DNM3: variants seen among roughly 807,000 people sequenced by gnomAD.
DNM3 encodes the protein dynamin 3.
Under a neutral mutation model 101.6 loss-of-function variants are expected in DNM3, and 47 were observed. That is an observed-to-expected ratio of 0.46 (90% CI 0.37 to 0.59). DNM3 has a LOEUF of 0.59. Ranked by LOEUF, DNM3 falls within the 20% of genes least tolerant of loss-of-function variation. The pLI, the probability that DNM3 is intolerant of heterozygous loss-of-function variation, is 0.00. For missense variants in DNM3, 849 were observed against 1,085.7 expected (o/e 0.78, Z 3.06); for synonymous variants, 385 against 387.9 (o/e 0.99, Z 0.09).
chr1:172,131,303 G>A lies in DNM3; in HGVS notation c.1659+15G>A, dbSNP rs761864486. 6.2e-7 allele frequency: 1 copy of A among 1,605,332 alleles called. No individual in the cohort carries two copies. The highest frequency in any genetic ancestry group is 8.5e-7 in the Non-Finnish European group (1 of 1,172,918). On this transcript the variant is annotated intron_variant, in intron 14 of 20. Coordinates refer to ENST00000627582, the MANE Select transcript of DNM3 (RefSeq NM_015569.5). ...AAGATGATGAGGTAAGTCACAGAGA[G>A]TGATAAAGTTTTCTTGTTAAAGTAT...
At chr1:171,973,608 G>GT (rs1444878960) in intron 2 of DNM3, among the ~76,000 whole-genome samples, 11 of 151,028 alleles carry the variant, frequency 7.3e-5, no homozygotes, top group Non-Finnish European at 1.3e-4. Flanking sequence ...GGGAAGTTAA[G>GT]TAATTTCTCA....
chr1:172,054,295 AT>A lies in DNM3; in HGVS notation c.1335+5546del, dbSNP rs1382198582. 2.0e-5 allele frequency among the ~76,000 whole-genome samples: 3 copies of A among 152,242 alleles called. 1 individual carries two copies. Among genetic ancestry groups the A allele is most frequent in the African/African-American group, 7.2e-5 (3 of 41,464 alleles). On this transcript the variant is annotated intron_variant, in intron 10 of 20. Transcript: ENST00000627582. Reference sequence around the variant, plus strand: ...CCTGGGGAAATGCATTTCTTCCCAGATACTTTCTCACTGTTGTCTCTGGGGC... The same window carrying A: ...CCTGGGGAAATGCATTTCTTCCCAGAACTTTCTCACTGTTGTCTCTGGGGC...
At chr1:172,144,590 C>A (rs771849807) in intron 14 of DNM3, 1 of 533,678 alleles carries the variant, frequency 1.9e-6, no homozygotes, top group Admixed American at 1.9e-5. Context: ...CGGCATTGTC[C>A]TGAACAGGTA....
intron 13 of DNM3, among the ~76,000 whole-genome samples, chr1:172,117,427 C>A (rs1558596202): frequency 6.6e-6 from 1 of 152,028 alleles, no homozygotes; most frequent in Non-Finnish European, 1.5e-5. Context: ...ATCATTGGGG[C>A]CAGTCTTTCC....
intron 17 of DNM3, among the ~76,000 whole-genome samples, chr1:172,368,831 A>T (rs1394139830): frequency 6.6e-6 from 1 of 151,934 alleles, no homozygotes; most frequent in Non-Finnish European, 1.5e-5. Context: ...AATACAAAGG[A>T]TTATTGGAGA....
intron 14 of DNM3, among the ~76,000 whole-genome samples, chr1:172,236,996 T>G (rs542580746): frequency 6.6e-6 from 1 of 152,168 alleles, no homozygotes; most frequent in Non-Finnish European, 1.5e-5. Flanking sequence ...TTGTATCGTT[T>G]CGCCAATATT....
intron 17 of DNM3, among the ~76,000 whole-genome samples, chr1:172,353,110 C>G (rs1313972224): frequency 1.3e-5 from 2 of 152,136 alleles, no homozygotes; most frequent in Admixed American, 1.3e-4. Context: ...ATCCACAGGC[C>G]ACAGGTGCAC....
In DNM3 at chr1:171,956,516, GC is replaced by G. The variant is rs762076312; in HGVS notation, c.236-31134del. ...TGCCCCTGTGGCTTTGTAGGGTATAGCCCCCCTCCTGGCTGCTTTCATGGGC... is the reference window on the plus strand; with the variant it reads ...TGCCCCTGTGGCTTTGTAGGGTATAGCCCCCTCCTGGCTGCTTTCATGGGC... On this transcript the variant is annotated intron_variant, in intron 2 of 20. Transcript: ENST00000627582. 1.6e-4 allele frequency among the ~76,000 whole-genome samples: 24 copies of G among 152,210 alleles called. No individual in the cohort carries two copies. The East Asian group carries it at 4.3e-3, about 27-fold the overall frequency.
intron 14 of DNM3, among the ~76,000 whole-genome samples, chr1:172,142,892 A>G (rs1442610404): frequency 6.6e-6 from 1 of 151,966 alleles, no homozygotes; most frequent in Non-Finnish European, 1.5e-5. Flanking sequence ...CTTATGTAAA[A>G]GAAACTATAT....
At chr1:172,223,601 C>G (rs542427287) in intron 14 of DNM3, among the ~76,000 whole-genome samples, 2 of 152,286 alleles carry the variant, frequency 1.3e-5, no homozygotes, top group African/African-American at 4.8e-5. Flanking sequence ...ATGGCTCCCA[C>G]TGAACCCATG....
At chr1:172,322,304 C>T (rs1398571738) in intron 16 of DNM3, among the ~76,000 whole-genome samples, 1 of 152,202 alleles carries the variant, frequency 6.6e-6, no homozygotes, top group Non-Finnish European at 1.5e-5. Context: ...TTACTCACAG[C>T]TCTCTTCCAC....
intron 15 of DNM3, among the ~76,000 whole-genome samples, chr1:172,261,686 G>C (rs1350743381): frequency 6.6e-6 from 1 of 152,240 alleles, no homozygotes; most frequent in Non-Finnish European, 1.5e-5. Flanking sequence ...ATCCATCTGG[G>C]ACCCAAGTGG....
At chr1:172,347,464 T>C (rs1356283562) in intron 17 of DNM3, among the ~76,000 whole-genome samples, 4 of 152,028 alleles carry the variant, frequency 2.6e-5, no homozygotes, top group Non-Finnish European at 5.9e-5. Context: ...GCTTTAAGTA[T>C]GAGAAGAAAA....
intron 1 of DNM3, among the ~76,000 whole-genome samples, chr1:171,855,392 C>A (rs908078093): frequency 6.6e-6 from 1 of 152,096 alleles, no homozygotes. Context: ...GGGTATATAC[C>A]CAGTAATGGG....
chr1:171,890,564 G>A (rs2037178301), intron 1 of DNM3, among the ~76,000 whole-genome samples: 1 of 152,032 alleles, frequency 6.6e-6, no homozygotes, highest in Admixed American at 6.6e-5. Context: ...AGTTTTAGGT[G>A]TCAGTTGAAT....
intron 14 of DNM3, among the ~76,000 whole-genome samples, chr1:172,231,530 A>C (rs1005743635): frequency 6.6e-6 from 1 of 152,196 alleles, no homozygotes. Flanking sequence ...TCTAAAAATC[A>C]GAGCACCTCT....
chr1:172,058,553 C>A (rs1409066966), intron 10 of DNM3, among the ~76,000 whole-genome samples: 5 of 152,022 alleles, frequency 3.3e-5, no homozygotes, highest in Admixed American at 2.0e-4. Context: ...ACTGAAAACC[C>A]CTCAACTACA....
chr1:172,359,632 A>T (rs4916250), intron 17 of DNM3, among the ~76,000 whole-genome samples: 8,733 of 151,748 alleles, frequency 0.058, 355 homozygotes, highest in Non-Finnish European at 0.085. Context: ...AAAAATAAAA[A>T]AAAAAAAACC....
chr1:172,332,037 CA>C (rs888655988), intron 17 of DNM3, among the ~76,000 whole-genome samples: 15 of 148,502 alleles, frequency 1.0e-4, no homozygotes, highest in Non-Finnish European at 1.6e-4. Flanking sequence ...AGGGCAAAAT[CA>C]AAAAAAAAGC....
Sources: allele counts gnomAD v4.1 joint callset (sites outside exome capture counted in the v4.1 genomes callset), GRCh38; gene constraint gnomAD v4.1.1; transcripts MANE v1.5; gene names NCBI Gene and HGNC (gene_info 2026-07-23, HGNC 2026-07-21).